Variants in BBOF1 observed in about 807,000 individuals in gnomAD.
BBOF1 encodes the protein basal body-orientation factor 1.
Under a neutral mutation model 68.0 loss-of-function variants are expected in BBOF1, and 62 were observed. The ratio of observed to expected loss-of-function variants is 0.91; its 90% CI spans 0.74 to 1.13. The LOEUF (loss-of-function observed/expected upper bound fraction) is 1.13. Among genes scored for constraint, BBOF1 ranks in the 50% most tolerant of loss-of-function variants. BBOF1 has a pLI of 0.00. For synonymous variants in BBOF1, 208 were observed against 198.8 expected, an observed-to-expected ratio of 1.05 and a Z score of -0.39; for missense variants, 534 against 600.1, an observed-to-expected ratio of 0.89 and a Z score of 1.15.
intron 2 of BBOF1, among the ~76,000 whole-genome samples, chr14:74,023,956 A>G (rs1487095527): frequency 6.6e-6 from 1 of 151,788 alleles, no homozygotes; most frequent in South Asian, 2.1e-4. Context: ...AAAGAAAAGA[A>G]AAAGGGAAGG....
chr14:74,033,866 A>AAAAT (rs958831344), intron 3 of BBOF1, among the ~76,000 whole-genome samples, 162 bp from the exon 4 acceptor site: 4 of 151,770 alleles, frequency 2.6e-5, no homozygotes, highest in African/African-American at 7.3e-5. Flanking sequence ...ACTCCATCTC[A>AAAAT]AAATAAATAA....
At chr14:74,064,640 G>A (rs2060428629) in intron 11 of BBOF1, 48 bp from the exon 12 acceptor site, 2 of 1,598,106 alleles carry the variant, frequency 1.3e-6, no homozygotes, top group African/African-American at 2.7e-5. Context: ...AATTATTCAG[G>A]AAGAAGCAGC....
intron 10 of BBOF1, 69 bp downstream of exon 10, chr14:74,057,049 T>C (rs1415946156): frequency 6.3e-7 from 1 of 1,589,028 alleles, no homozygotes; most frequent in African/African-American, 1.3e-5. Flanking sequence ...ATCTTGAATG[T>C]GCTAATTGAA....
Position 74,062,051 on chromosome 14 carries a change from G to GGA in BBOF1, c.1579-2637_1579-2636insGA, listed in dbSNP as rs1176468419. Among the ~76,000 whole-genome samples the GGA allele has an allele frequency of 1.8e-3, 107 of 59,618 alleles. 7 individuals are homozygous for GGA. The highest frequency in any genetic ancestry group is 0.016 in the Middle Eastern group (1 of 64). 39.1% of individuals were successfully genotyped at this position (59,618 alleles called of 152,430 possible). A position where few individuals can be genotyped will look rare whatever the true frequency, so the allele number is the denominator to read the frequency against. On this transcript the variant is annotated intron_variant, in intron 11 of 11. Coordinates refer to ENST00000394009, the MANE Select transcript of BBOF1 (RefSeq NM_025057.3). The stretch of plus-strand genomic sequence containing the variant: ...CATGGCGAAACCTCGTCTCTACTGG[G>GGA]AAAAAAAAAAAAAAAAAAAAAAAAA...
intron 6 of BBOF1, among the ~76,000 whole-genome samples, chr14:74,047,352 G>T (rs990948952): frequency 2.0e-5 from 3 of 152,120 alleles, no homozygotes; most frequent in African/African-American, 7.2e-5. Flanking sequence ...AAGAGCATGG[G>T]AGACTCATAC....
At chr14:74,031,903 G>A (rs1269628555) in intron 3 of BBOF1, 1 of 152,102 alleles carries the variant, frequency 6.6e-6, no homozygotes, top group Non-Finnish European at 1.5e-5. Context: ...TGCCAGTAAA[G>A]AGCTTCATGT....
At chr14:74,048,159 A>G (rs2059992043) in intron 7 of BBOF1, 85 bp downstream of exon 7, 1 of 1,313,238 alleles carries the variant, frequency 7.6e-7, no homozygotes, top group South Asian at 1.5e-5. Context: ...TATAATAATG[A>G]TATATAAGGA....
intron 10 of BBOF1, among the ~76,000 whole-genome samples, chr14:74,079,234 T>G (rs997807722): frequency 6.6e-6 from 1 of 151,510 alleles, no homozygotes; most frequent in Non-Finnish European, 1.5e-5. Context: ...CCCAGCACTT[T>G]GGGAGGCTGA....
chr14:74,031,845 T>A (rs145133676), intron 3 of BBOF1: 1 of 152,304 alleles, frequency 6.6e-6, no homozygotes, highest in East Asian at 1.9e-4. Flanking sequence ...CAGTCCCTTT[T>A]TGATGGATAG....
At chr14:74,056,154 A>G (rs2139682090) in intron 9 of BBOF1, among the ~76,000 whole-genome samples, 1 of 150,716 alleles carries the variant, frequency 6.6e-6, no homozygotes, top group Middle Eastern at 3.4e-3. Flanking sequence ...ACCTCAGCCT[A>G]CTGAGTAGCT....
downstream of BBOF1, chr14:74,066,695 A>G: frequency 1.9e-6 from 3 of 1,613,286 alleles, no homozygotes; most frequent in Non-Finnish European, 2.5e-6. Context: ...GTGAAGTGAA[A>G]GTTGTTCACC....
At chr14:74,053,906 G>A (rs1019201361) in intron 8 of BBOF1, among the ~76,000 whole-genome samples, 3 of 150,372 alleles carry the variant, frequency 2.0e-5, no homozygotes, top group Admixed American at 1.3e-4. Flanking sequence ...CAGAGTCTTC[G>A]CTCTGTCACC....
Position 74,064,895 on chromosome 14 carries a change from A to C in BBOF1, c.*196A>C. 1.2e-6 allele frequency: 2 copies of C among 1,614,096 alleles called. No individual in the cohort carries two copies. The highest frequency in any genetic ancestry group is 1.7e-6 in the Non-Finnish European group (2 of 1,179,988). On this transcript the variant is annotated 3_prime_UTR_variant, in exon 12 of 12. Transcript: ENST00000394009. ...GGTGAATGAGAACATTGGCAAAGGCACTGGAATGGGGACATTCACTCCCAC... is the reference window on the plus strand; with the variant it reads ...GGTGAATGAGAACATTGGCAAAGGCCCTGGAATGGGGACATTCACTCCCAC...
chr14:74,057,004 A>G (rs766586101), intron 10 of BBOF1, 24 bp downstream of exon 10: 17 of 1,599,874 alleles, frequency 1.1e-5, no homozygotes, highest in African/African-American at 4.0e-5. Flanking sequence ...TGCTTAAGTA[A>G]TAAACATGAG....
intron 9 of BBOF1, among the ~76,000 whole-genome samples, chr14:74,073,496 T>A (rs779956567): frequency 6.6e-6 from 1 of 152,212 alleles, no homozygotes; most frequent in Non-Finnish European, 1.5e-5. Context: ...TGGAACTTCA[T>A]GAGTAGAAAC....
intron 9 of BBOF1, 145 bp downstream of exon 9, chr14:74,055,830 G>A (rs1293405073): frequency 1.8e-6 from 1 of 563,752 alleles, no homozygotes; most frequent in Non-Finnish European, 3.1e-6. Flanking sequence ...CTTAACTACT[G>A]CAGCTCCCAG....
At chr14:74,079,663 A>T (rs905023424) in intron 10 of BBOF1, among the ~76,000 whole-genome samples, 1 of 149,086 alleles carries the variant, frequency 6.7e-6, no homozygotes, top group East Asian at 2.0e-4. Flanking sequence ...CGATCTCCTG[A>T]CCTCATGATC....
intron 5 of BBOF1, among the ~76,000 whole-genome samples, chr14:74,044,141 G>A (rs1412633866): frequency 1.3e-5 from 2 of 151,888 alleles, no homozygotes; most frequent in African/African-American, 4.8e-5. Context: ...AGCTACTTGG[G>A]AGGCTGAGAC....
intron 1 of BBOF1, among the ~76,000 whole-genome samples, chr14:74,021,812 C>T (rs1191483497): frequency 6.6e-6 from 1 of 151,694 alleles, no homozygotes; most frequent in Non-Finnish European, 1.5e-5. Flanking sequence ...GAGGCTGAGG[C>T]AGGAGAATGG....
Sources: gnomAD v4.1 joint callset for allele counts (sites outside exome capture counted in the v4.1 genomes callset) on GRCh38, gnomAD v4.1.1 for gene constraint, MANE v1.5 for transcripts, NCBI Gene and HGNC (gene_info 2026-07-23, HGNC 2026-07-21) for gene names.